The following TSGA10 variants were observed in gnomAD, a reference collection of about 807,000 sequenced individuals.
TSGA10 encodes the protein testis specific 10.
TSGA10 carries 43 observed loss-of-function variants against 96.6 expected under a neutral mutation model. The ratio of observed to expected loss-of-function variants is 0.44; its 90% CI spans 0.35 to 0.57. The LOEUF is 0.57. TSGA10 is among the 20% of genes least tolerant of loss of function. TSGA10 has a pLI of 0.01. For synonymous variants in TSGA10, 229 were observed against 269.9 expected, an observed-to-expected ratio of 0.85 and a Z score of 1.48; for missense variants, 703 against 834.4, an observed-to-expected ratio of 0.84 and a Z score of 1.94.
At chr2:99,106,340 CT>C (rs765242938) in intron 7 of TSGA10, among the ~76,000 whole-genome samples, 2 of 152,166 alleles carry the variant, frequency 1.3e-5, no homozygotes, top group Non-Finnish European at 2.9e-5. Flanking sequence ...ACAGCTAAGC[CT>C]TCACCAGAAC....
intron 16 of TSGA10, among the ~76,000 whole-genome samples, chr2:99,046,409 T>C (rs894703222): frequency 6.6e-6 from 1 of 152,128 alleles, no homozygotes; most frequent in Non-Finnish European, 1.5e-5. Context: ...AAACTCAGGA[T>C]GAAGAAGCTC....
intron 12 of TSGA10, among the ~76,000 whole-genome samples, chr2:99,074,266 G>C (rs949506244): frequency 2.6e-5 from 4 of 151,604 alleles, no homozygotes; most frequent in Non-Finnish European, 5.9e-5. Flanking sequence ...CACCCACCTC[G>C]GCCTCCCAAA....
At chr2:99,150,186 T>G (rs2093678897) in intron 1 of TSGA10, among the ~76,000 whole-genome samples, 1 of 152,202 alleles carries the variant, frequency 6.6e-6, no homozygotes, top group South Asian at 2.1e-4. Context: ...TTTAGCCCAT[T>G]AGTAATGAAT....
chr2:99,072,172 T>A (rs2086051564), intron 13 of TSGA10, among the ~76,000 whole-genome samples: 1 of 152,166 alleles, frequency 6.6e-6, no homozygotes, highest in African/African-American at 2.4e-5. Context: ...TATGGCTTAG[T>A]CTCCTTTACA....
intron 12 of TSGA10, among the ~76,000 whole-genome samples, chr2:99,078,421 TATTA>T (rs1276279145): frequency 2.0e-5 from 3 of 152,198 alleles, no homozygotes; most frequent in Non-Finnish European, 2.9e-5. Context: ...TGCCAATTGA[TATTA>T]ATTACTAATT....
At position 99,124,506 on chromosome 2, in the gene TSGA10, AAC is replaced by A. The variant is rs1274945342; in HGVS notation, c.-492+2540_-492+2541del. Among the ~76,000 whole-genome samples the A allele has an allele frequency of 2.6e-5, 4 of 152,324 alleles. No homozygotes were observed. In the South Asian group the frequency reaches 6.2e-4, roughly 24 times the overall value. ...CCACACACTCCTCTCTCTCTTCCTCAACACAGTTTCCTCTATTATTTACATTT... is the reference window on the plus strand; with the variant it reads ...CCACACACTCCTCTCTCTCTTCCTCAACAGTTTCCTCTATTATTTACATTT... On this transcript the variant is annotated intron_variant, in intron 2 of 20. Coordinates refer to ENST00000393483, the MANE Select transcript of TSGA10 (RefSeq NM_025244.4).
At chr2:99,124,307 A>G (rs1467882238) in intron 2 of TSGA10, among the ~76,000 whole-genome samples, 1 of 152,048 alleles carries the variant, frequency 6.6e-6, no homozygotes, top group Non-Finnish European at 1.5e-5. Flanking sequence ...CCATTTTTGA[A>G]TTAGATTTTT....
rs1284888028 is a variant in TSGA10 at position 99,104,050 on chromosome 2, T to C, written c.528A>G (p.Glu176=). The change falls in exon 10 of 21, where the codon GAA becomes GAG. Residue 176 remains glutamate (E), a synonymous_variant. Transcript: ENST00000393483. ...TLMKETISTV[E]KEMKSLARKA... The stretch of plus-strand genomic sequence containing the variant: ...TTCTTGCTAGTGATTTCATTTCTTT[T>C]TCCACAGTGCTTATGGTTTCCTTCA... The C allele has an allele frequency of 6.2e-7, 1 of 1,614,114 alleles. No individual in the cohort carries two copies. The highest frequency in any genetic ancestry group is 8.5e-7 in the Non-Finnish European group (1 of 1,180,008).
chr2:99,081,775 C>T (rs2087544874), intron 10 of TSGA10, among the ~76,000 whole-genome samples: 1 of 151,276 alleles, frequency 6.6e-6, no homozygotes, highest in Non-Finnish European at 1.5e-5. Context: ...GTCTGCAACA[C>T]AGGAAATAGA....
At chr2:99,113,222 TA>T (rs2091965121) in intron 4 of TSGA10, among the ~76,000 whole-genome samples, 1 of 152,108 alleles carries the variant, frequency 6.6e-6, no homozygotes, top group Non-Finnish European at 1.5e-5. Context: ...AGCTGGAGCT[TA>T]ATTTCCCTCC....
At chr2:99,009,956 G>A (rs1047738806) in intron 20 of TSGA10, among the ~76,000 whole-genome samples, 1 of 152,130 alleles carries the variant, frequency 6.6e-6, no homozygotes, top group East Asian at 1.9e-4. Flanking sequence ...ATGGGTAAAG[G>A]GCATGTAGAT....
intron 2 of TSGA10, chr2:99,124,791 T>C (rs1242399499): frequency 6.6e-6 from 1 of 152,108 alleles, no homozygotes; most frequent in Non-Finnish European, 1.5e-5. Flanking sequence ...TTCACCGTGT[T>C]AGCCAGGATG....
chr2:99,046,833 A>T (rs1388665078), intron 16 of TSGA10, among the ~76,000 whole-genome samples: 1 of 152,194 alleles, frequency 6.6e-6, no homozygotes, highest in Non-Finnish European at 1.5e-5. Context: ...TAGCAAGACT[A>T]ATAAAGAAGA....
intron 16 of TSGA10, among the ~76,000 whole-genome samples, chr2:99,042,215 T>C (rs2082263549): frequency 6.6e-6 from 1 of 152,120 alleles, no homozygotes; most frequent in African/African-American, 2.4e-5. Context: ...CAGTGTTATA[T>C]TGTTCTCTTC....
intron 10 of TSGA10, among the ~76,000 whole-genome samples, chr2:99,089,370 A>G (rs1250956842): frequency 6.6e-6 from 1 of 152,196 alleles, no homozygotes; most frequent in African/African-American, 2.4e-5. Context: ...GAATTTTGTA[A>G]CAATTCCAAC....
intron 10 of TSGA10, among the ~76,000 whole-genome samples, chr2:99,086,074 C>T (rs1202789340): frequency 6.6e-6 from 1 of 152,188 alleles, no homozygotes; most frequent in Non-Finnish European, 1.5e-5. Context: ...GCTAAAACAA[C>T]TGCATTGCCC....
chr2:99,044,291 G>A (rs889967749), intron 16 of TSGA10, among the ~76,000 whole-genome samples: 5 of 139,546 alleles, frequency 3.6e-5, no homozygotes, highest in Admixed American at 7.7e-5. Context: ...TCTCACGTAC[G>A]AAAACACACA....
intron 10 of TSGA10, among the ~76,000 whole-genome samples, chr2:99,087,038 A>G (rs2088556315): frequency 6.6e-6 from 1 of 151,894 alleles, no homozygotes; most frequent in African/African-American, 2.4e-5. Context: ...CCCCGTCTCT[A>G]CTAAAAATAC....
chr2:99,087,593 C>T (rs1198005594), intron 10 of TSGA10, among the ~76,000 whole-genome samples: 1 of 152,082 alleles, frequency 6.6e-6, no homozygotes. Flanking sequence ...GAGGCTGAGG[C>T]AGTAGAATCA....
Sources: allele counts gnomAD v4.1 joint callset (sites outside exome capture counted in the v4.1 genomes callset), GRCh38; gene constraint gnomAD v4.1.1; transcripts MANE v1.5; gene names NCBI Gene and HGNC (gene_info 2026-07-23, HGNC 2026-07-21).